LMBR1: variants seen among roughly 807,000 people sequenced by gnomAD.
LMBR1 encodes limb region 1 protein homolog.
In LMBR1, 52 loss-of-function variants were observed where a neutral mutation model predicts 73.9. That is an observed-to-expected ratio of 0.70 (90% CI 0.56 to 0.89). The LOEUF (loss-of-function observed/expected upper bound fraction) is 0.89, where lower values mean the gene tolerates loss of function less well. Among genes scored for constraint, LMBR1 ranks in the 40% least tolerant of loss-of-function variants. The pLI is 0.00. For synonymous variants in LMBR1, 215 were observed against 209.4 expected (o/e 1.03, Z -0.23); for missense variants, 539 against 579.8 (o/e 0.93, Z 0.72).
intron 5 of LMBR1, among the ~76,000 whole-genome samples, chr7:156,776,981 G>A (rs992609740): frequency 6.6e-6 from 1 of 151,326 alleles, no homozygotes; most frequent in Admixed American, 6.6e-5. Flanking sequence ...GCCCAGGCTG[G>A]AGCGCAGTGG....
intron 1 of LMBR1, among the ~76,000 whole-genome samples, chr7:156,889,232 G>C (rs1208299474): frequency 2.0e-5 from 3 of 152,086 alleles, no homozygotes. Context: ...AGAATGGAGA[G>C]TTACTGTTTC....
At chr7:156,850,047 T>C (rs546807737) in intron 1 of LMBR1, among the ~76,000 whole-genome samples, 2 of 152,360 alleles carry the variant, frequency 1.3e-5, no homozygotes, top group African/African-American at 4.8e-5. Flanking sequence ...TGCTATGGTT[T>C]GTGTGTTTCC....
chr7:156,874,797 A>C (rs1207509653), intron 1 of LMBR1, among the ~76,000 whole-genome samples: 1 of 152,238 alleles, frequency 6.6e-6, no homozygotes, highest in East Asian at 1.9e-4. Context: ...TCTGTACAGC[A>C]GCCTTGAGCC....
chr7:156,785,493 AGC>A (rs1827908343), intron 5 of LMBR1, among the ~76,000 whole-genome samples: 1 of 152,208 alleles, frequency 6.6e-6, no homozygotes, highest in East Asian at 1.9e-4. Flanking sequence ...GGATGTATTC[AGC>A]AGTGGCTCGC....
At chr7:156,810,032 A>C (rs1014551598) in intron 4 of LMBR1, among the ~76,000 whole-genome samples, 1 of 152,072 alleles carries the variant, frequency 6.6e-6, no homozygotes, top group African/African-American at 2.4e-5. Context: ...CCCACTTTGC[A>C]TTGCCATCAA....
intron 9 of LMBR1, among the ~76,000 whole-genome samples, chr7:156,754,792 A>T (rs1205279505): frequency 6.6e-6 from 1 of 152,078 alleles, no homozygotes; most frequent in Non-Finnish European, 1.5e-5. Flanking sequence ...GCCTTCCTAC[A>T]CATATTTCTA....
chr7:156,708,872 G>T (rs926061064), intron 15 of LMBR1, among the ~76,000 whole-genome samples: 1 of 152,086 alleles, frequency 6.6e-6, no homozygotes, highest in Non-Finnish European at 1.5e-5. Context: ...TGTGGGAGCT[G>T]GATGAGGCCT....
rs946165203 is a variant in LMBR1 at position 156,803,811 on chromosome 7, C to A, written c.320-7319G>T. Reference sequence around the variant, plus strand: ...ATATACACCATGGAATACTATGCAGCCATAAAAAAGGATGAGTTCATGTCC... The same window carrying A: ...ATATACACCATGGAATACTATGCAGACATAAAAAAGGATGAGTTCATGTCC... On this transcript the variant is annotated intron_variant, in intron 4 of 16. Coordinates refer to ENST00000353442, the MANE Select transcript of LMBR1 (RefSeq NM_022458.4). Among the ~76,000 whole-genome samples, 3 of 151,628 alleles carry A rather than the reference C, an allele frequency of 2.0e-5. No individual in the cohort carries two copies. The East Asian group carries it at 5.8e-4, about 29-fold the overall frequency.
At chr7:156,676,231 G>C, downstream of LMBR1, 1 of 1,501,618 alleles carries the variant, frequency 6.7e-7, no homozygotes, top group Non-Finnish European at 8.9e-7. Context: ...AGGAGTAACA[G>C]AGTATATGTG....
intron 9 of LMBR1, 56 bp downstream of exon 9, chr7:156,756,336 CT>C (rs1563287051): frequency 1.2e-6 from 1 of 851,602 alleles, no homozygotes. Flanking sequence ...AATTATCTAT[CT>C]TTTTGAAATT....
intron 1 of LMBR1, among the ~76,000 whole-genome samples, chr7:156,843,820 A>C (rs1839134130): frequency 6.9e-6 from 1 of 144,532 alleles, no homozygotes; most frequent in South Asian, 2.3e-4. Flanking sequence ...TGGGCAACAG[A>C]GCAAGACCCT....
chr7:156,746,729 T>C (rs906195445), intron 9 of LMBR1, among the ~76,000 whole-genome samples: 1 of 152,084 alleles, frequency 6.6e-6, no homozygotes, highest in Non-Finnish European at 1.5e-5. Context: ...AAGGGAGAAA[T>C]GTAAGCTTTT....
At chr7:156,676,164 A>G (rs1157149238), downstream of LMBR1, 3 of 1,144,006 alleles carry the variant, frequency 2.6e-6, no homozygotes, top group Non-Finnish European at 3.6e-6. Flanking sequence ...AAATTCTGGA[A>G]GTTCCTGTTG....
At position 156,670,282 on chromosome 7, in the gene LMBR1, T is replaced by C. The variant is rs1173178095; in HGVS notation, n.867-995A>G. 6.6e-6 allele frequency among the ~76,000 whole-genome samples: 1 copy of C among 152,218 alleles called. No individual in the cohort carries two copies. The highest frequency in any genetic ancestry group is 2.4e-5 in the African/African-American group (1 of 41,454). ...GGCTCTACTGTTTTGACTTTGGCTC[T>C]TGATACACACACATTCTAGTCAGGC... On this transcript the variant is annotated intron_variant and non_coding_transcript_variant, in intron 4 of 4. Coordinates refer to the LMBR1 transcript ENST00000430825. This position sits in a 1 kb window ranked among gnomAD's most constrained non-coding sequence, Gnocchi z 4.3.
At position 156,892,896 on chromosome 7, in the gene LMBR1, G is replaced by A. The variant is rs117769123; in HGVS notation, c.66+32C>T. Reference sequence around the variant, plus strand: ...GACGGAGGGCCCGGGCGGGCACGCGGGACTGTCAGGGCTGCCTCGGTCCCC... The same window carrying A: ...GACGGAGGGCCCGGGCGGGCACGCGAGACTGTCAGGGCTGCCTCGGTCCCC... On this transcript the variant is annotated intron_variant, in intron 1 of 16. Coordinates refer to ENST00000353442, the MANE Select transcript of LMBR1 (RefSeq NM_022458.4). 172,411 of 1,428,394 alleles carry A rather than the reference G, an allele frequency of 0.12. 12,441 individuals are homozygous for A. Among genetic ancestry groups the A allele is most frequent in the East Asian group, 0.37 (12,033 of 32,496 alleles). The allele number at this position is 1,428,394 out of a possible 1,614,324, so 88.5% of individuals were successfully genotyped here. A position where few individuals can be genotyped will look rare whatever the true frequency, so the allele number is the denominator to read the frequency against.
chr7:156,823,747 C>A (rs1442241368), intron 4 of LMBR1: 1 of 152,130 alleles, frequency 6.6e-6, no homozygotes, highest in Non-Finnish European at 1.5e-5. Flanking sequence ...ATGGAAAACA[C>A]AATATAATAT....
At chr7:156,856,814 GTAA>G (rs1459782159) in intron 1 of LMBR1, among the ~76,000 whole-genome samples, 1 of 151,806 alleles carries the variant, frequency 6.6e-6, no homozygotes, top group Non-Finnish European at 1.5e-5. Context: ...TTTATTGAAA[GTAA>G]TAATAACAAT....
chr7:156,751,800 G>C (rs1820948637), intron 9 of LMBR1, among the ~76,000 whole-genome samples: 1 of 152,200 alleles, frequency 6.6e-6, no homozygotes, highest in Admixed American at 6.5e-5. Context: ...GATGGCAAAA[G>C]CAGCAAAATC....
intron 15 of LMBR1, among the ~76,000 whole-genome samples, chr7:156,697,703 T>A (rs1808635893): frequency 6.6e-6 from 1 of 152,234 alleles, no homozygotes; most frequent in African/African-American, 2.4e-5. Flanking sequence ...CTTATGGTTG[T>A]CTTCCCTTGT....
Sources: allele counts gnomAD v4.1 joint callset (sites outside exome capture counted in the v4.1 genomes callset), GRCh38; gene constraint gnomAD v4.1.1; non-coding constraint Gnocchi (gnomAD v3.1); transcripts MANE v1.5; gene names NCBI Gene and HGNC (gene_info 2026-07-23, HGNC 2026-07-21).